NR6A1: variants seen among roughly 807,000 people sequenced by gnomAD.
NR6A1 encodes the protein retinoic acid receptor-related testis-associated receptor.
NR6A1 carries 7 observed loss-of-function variants against 59.1 expected under a neutral mutation model. That is an observed-to-expected ratio of 0.12 (90% confidence interval 0.07 to 0.22). The LOEUF is 0.22. NR6A1 is among the 10% of genes least tolerant of loss of function. NR6A1 has a pLI of 1.00. For missense variants in NR6A1, 468 were observed against 611.6 expected, an observed-to-expected ratio of 0.77 and a Z score of 2.48; for synonymous variants, 243 against 236.1, an observed-to-expected ratio of 1.03 and a Z score of -0.27.
At chr9:124,615,992 T>G (rs971023464) in intron 2 of NR6A1, among the ~76,000 whole-genome samples, 1 of 151,838 alleles carries the variant, frequency 6.6e-6, no homozygotes, top group African/African-American at 2.4e-5. Context: ...CTCACAAAGC[T>G]GGGATTACAG....
chr9:124,674,679 AAT>A (rs1837899746), intron 2 of NR6A1, among the ~76,000 whole-genome samples: 1 of 152,198 alleles, frequency 6.6e-6, no homozygotes, highest in African/African-American at 2.4e-5. Flanking sequence ...TAAGCAACTT[AAT>A]ATTTTTCTTG....
At chr9:124,545,358 C>G (rs993589009) in intron 3 of NR6A1, among the ~76,000 whole-genome samples, 2 of 152,174 alleles carry the variant, frequency 1.3e-5, no homozygotes, top group African/African-American at 4.8e-5. Context: ...AGTTAAAAAT[C>G]CAAGGTTCTA....
At chr9:124,708,376 A>G (rs1388979067) in intron 2 of NR6A1, among the ~76,000 whole-genome samples, 2 of 152,274 alleles carry the variant, frequency 1.3e-5, no homozygotes, top group South Asian at 4.1e-4. Context: ...TTCTTACCCC[A>G]AGTACAGTGG....
intron 2 of NR6A1, among the ~76,000 whole-genome samples, chr9:124,690,378 T>C (rs1010224764): frequency 1.3e-5 from 2 of 152,166 alleles, no homozygotes; most frequent in African/African-American, 2.4e-5. Context: ...CAATATTTCA[T>C]GGTTTCTCTG....
intron 1 of NR6A1, among the ~76,000 whole-genome samples, chr9:124,765,645 A>T (rs552166092): frequency 6.6e-6 from 1 of 152,326 alleles, no homozygotes; most frequent in Non-Finnish European, 1.5e-5. Flanking sequence ...TCAGCTCCCC[A>T]GCAGCCGGCT....
intron 1 of NR6A1, among the ~76,000 whole-genome samples, chr9:124,770,697 G>A (rs1245496831): frequency 8.1e-6 from 1 of 123,462 alleles, no homozygotes; most frequent in South Asian, 3.3e-4. Context: ...GGGAGGATTG[G>A]TGCTGAGGGG....
intron 2 of NR6A1, among the ~76,000 whole-genome samples, chr9:124,729,410 T>C (rs1179124309): frequency 1.3e-5 from 2 of 152,018 alleles, no homozygotes; most frequent in African/African-American, 2.4e-5. Flanking sequence ...ATAAAAAATA[T>C]TTGAAAGAGA....
intron 2 of NR6A1, among the ~76,000 whole-genome samples, chr9:124,677,169 G>C (rs1564231975): frequency 2.6e-5 from 4 of 152,094 alleles, no homozygotes; most frequent in Admixed American, 2.6e-4. Context: ...AGAGTGATAG[G>C]ATTATGTTTC....
chr9:124,540,165 C>G lies in NR6A1; in HGVS notation c.464G>C (p.Arg155Thr). ...PVQISEEEIE[R>T]IMSGQEFEEE... ...CTCAAACTCCTGCCCAGACATGATC[C>G]TTTCGATTTCTTCTTCCGATATCTT... Residue 155 changes from arginine (R) to threonine (T), a missense_variant, in exon 5 of 10, where the codon AGG becomes ACG. Arg to Thr is a moderately conservative substitution (Grantham distance 71, BLOSUM62 -1). This residue lies in a region of NR6A1 where 151 missense variants were observed against 142.8 expected (regional missense o/e 1.06). Transcript: ENST00000487099. 6.2e-7 allele frequency: 1 copy of G among 1,613,464 alleles called. No homozygotes were observed. Among genetic ancestry groups the G allele is most frequent in the Non-Finnish European group, 8.5e-7 (1 of 1,179,728 alleles).
chr9:124,623,361 ATTATTTAT>A (rs138959413), intron 2 of NR6A1, among the ~76,000 whole-genome samples: 1 of 151,400 alleles, frequency 6.6e-6, no homozygotes, highest in Non-Finnish European at 1.5e-5. Context: ...TATTATTATT[ATTATTTAT>A]TTATTTATTT....
At chr9:124,553,308 T>C (rs1276468922) in intron 3 of NR6A1, among the ~76,000 whole-genome samples, 3 of 152,126 alleles carry the variant, frequency 2.0e-5, no homozygotes, top group Non-Finnish European at 4.4e-5. Context: ...CTGTGGGTGA[T>C]TTCACCTATG....
intron 1 of NR6A1, among the ~76,000 whole-genome samples, chr9:124,757,775 T>A (rs1218863669): frequency 6.6e-6 from 1 of 152,202 alleles, no homozygotes; most frequent in African/African-American, 2.4e-5. Context: ...CAGGGTATGT[T>A]CCTTAGACAA....
chr9:124,525,465 C>T (rs570115772), intron 8 of NR6A1, among the ~76,000 whole-genome samples: 27 of 152,122 alleles, frequency 1.8e-4, no homozygotes, highest in African/African-American at 6.3e-4. Context: ...ATAGATTCTC[C>T]CACCTCAGCC....
intron 2 of NR6A1, among the ~76,000 whole-genome samples, chr9:124,664,665 A>G (rs1002593020): frequency 6.6e-6 from 1 of 152,220 alleles, no homozygotes; most frequent in Non-Finnish European, 1.5e-5. Flanking sequence ...CTCCAGAGGA[A>G]AGGTTCCTCA....
chr9:124,626,860 G>A (rs1445677764), intron 2 of NR6A1, among the ~76,000 whole-genome samples: 3 of 152,156 alleles, frequency 2.0e-5, no homozygotes, highest in Non-Finnish European at 4.4e-5. Context: ...CTTGAACCCG[G>A]GAGGTGGAGT....
At chr9:124,612,278 C>A (rs59824701) in intron 2 of NR6A1, among the ~76,000 whole-genome samples, 2,491 of 152,284 alleles carry the variant, frequency 0.016, 75 homozygotes, top group East Asian at 0.15. Context: ...TTCCCAGGAG[C>A]AACCTTCATT....
intron 1 of NR6A1, among the ~76,000 whole-genome samples, chr9:124,762,718 T>C (rs1840816144): frequency 2.0e-5 from 3 of 152,184 alleles, no homozygotes; most frequent in Admixed American, 1.3e-4. Context: ...CTGTGTAGGA[T>C]CCTGTAATAT....
chr9:124,722,735 G>A (rs375211374), intron 2 of NR6A1, among the ~76,000 whole-genome samples: 12 of 151,970 alleles, frequency 7.9e-5, no homozygotes, highest in African/African-American at 2.7e-4. Context: ...CGTTTTTTCT[G>A]AGACAGGGTC....
rs148439182 is a variant in NR6A1 at position 124,731,827 on chromosome 9, G to A, written c.142+1481C>T. ...ATGTTAATCTACTGATTATGTTATC[G>A]GCCAGGCTTCTAGTCAACAGTAAGT... On this transcript the variant is annotated intron_variant, in intron 2 of 9. Transcript: ENST00000487099. Among the ~76,000 whole-genome samples the A allele has an allele frequency of 2.6e-4, 40 of 151,704 alleles. No homozygotes were observed. In the East Asian group the frequency reaches 6.0e-3, roughly 23 times the overall value.
Sources: gnomAD v4.1 joint callset for allele counts (sites outside exome capture counted in the v4.1 genomes callset) on GRCh38, gnomAD v4.1.1 for gene constraint, gnomAD v4.1.1 regional missense constraint, MANE v1.5 for transcripts, NCBI Gene and HGNC (gene_info 2026-07-23, HGNC 2026-07-21) for gene names.